The following SCAF4 variants were observed in gnomAD, a reference collection of about 807,000 sequenced individuals.
The protein encoded by SCAF4 is SR-related CTD associated factor 4, also known as SR-related and CTD-associated factor 4.
Under a neutral mutation model 129.8 loss-of-function variants are expected in SCAF4, and 25 were observed. That is an observed-to-expected ratio of 0.19 (90% confidence interval 0.14 to 0.27). The LOEUF is 0.27. Among genes scored for constraint, SCAF4 ranks in the 10% least tolerant of loss-of-function variants. SCAF4 has a pLI of 1.00. For synonymous variants in SCAF4, 551 were observed against 497.7 expected, an observed-to-expected ratio of 1.11 and a Z score of -1.43; for missense variants, 1,246 against 1,457.1, an observed-to-expected ratio of 0.86 and a Z score of 2.36.
chr21:31,707,697 C>T (rs1349456915), intron 1 of SCAF4, among the ~76,000 whole-genome samples: 1 of 152,094 alleles, frequency 6.6e-6, no homozygotes, highest in Admixed American at 6.5e-5. Context: ...AATATGGAGC[C>T]CTAGGGTATG....
At chr21:31,730,229 C>CA (rs1318701183) in intron 1 of SCAF4, among the ~76,000 whole-genome samples, 1 of 152,186 alleles carries the variant, frequency 6.6e-6, no homozygotes, top group East Asian at 1.9e-4. Flanking sequence ...CTTCAGAAAA[C>CA]AATCAGCTTC....
chr21:31,704,532 CAA>C (rs531735168), intron 3 of SCAF4, among the ~76,000 whole-genome samples: 76 of 125,106 alleles, frequency 6.1e-4, no homozygotes, highest in African/African-American at 2.0e-3. Flanking sequence ...GGAATTTATG[CAA>C]AAAAAAAAAA....
intron 11 of SCAF4, 105 bp downstream of exon 11, chr21:31,694,099 G>A: frequency 1.6e-6 from 1 of 630,386 alleles, no homozygotes; most frequent in Non-Finnish European, 2.7e-6. Context: ...CATACCAACT[G>A]TTATTTTACT....
intron 7 of SCAF4, among the ~76,000 whole-genome samples, chr21:31,699,515 T>C (rs77119135): frequency 3.3e-5 from 5 of 151,366 alleles, no homozygotes; most frequent in South Asian, 2.1e-4. Context: ...TTTTTTTTTT[T>C]CTGCAAGTAT....
chr21:31,685,855 C>A, intron 16 of SCAF4, 122 bp from the exon 17 acceptor site: 1 of 889,558 alleles, frequency 1.1e-6, no homozygotes, highest in Non-Finnish European at 1.7e-6. Context: ...CTTATTAGAC[C>A]AATTTATTAA....
intron 9 of SCAF4, among the ~76,000 whole-genome samples, chr21:31,695,421 T>C (rs2050361070): frequency 6.6e-6 from 1 of 152,148 alleles, no homozygotes; most frequent in African/African-American, 2.4e-5. Flanking sequence ...TCAACTAACA[T>C]ACCCAACTTT....
chr21:31,672,934 C>A (rs1440371048), intron 19 of SCAF4, among the ~76,000 whole-genome samples: 1 of 152,212 alleles, frequency 6.6e-6, no homozygotes, highest in East Asian at 1.9e-4. Flanking sequence ...CTAATGTCTA[C>A]AAAACAAAGA....
At chr21:31,729,526 A>C (rs1181702320) in intron 1 of SCAF4, among the ~76,000 whole-genome samples, 1 of 152,260 alleles carries the variant, frequency 6.6e-6, no homozygotes, top group African/African-American at 2.4e-5. Flanking sequence ...GGCACTCAAA[A>C]GTTTAAGTGA....
chr21:31,716,762 A>G (rs993634607), intron 1 of SCAF4, among the ~76,000 whole-genome samples: 10 of 152,140 alleles, frequency 6.6e-5, no homozygotes, highest in African/African-American at 2.4e-4. Flanking sequence ...TTATGCCTTC[A>G]ATATATAATT....
chr21:31,703,268 G>A (rs1240409256), intron 4 of SCAF4, among the ~76,000 whole-genome samples: 2 of 151,968 alleles, frequency 1.3e-5, no homozygotes, highest in Non-Finnish European at 2.9e-5. Context: ...TCTTTCCAAC[G>A]ATATCTTCTT....
At chr21:31,684,099 A>T (rs1260283193) in intron 19 of SCAF4, 1 of 153,630 alleles carries the variant, frequency 6.5e-6, no homozygotes, top group Non-Finnish European at 1.5e-5. Flanking sequence ...CCTCCATTAC[A>T]AACCAATGTC....
At chr21:31,727,760 C>A (rs1487842874) in intron 1 of SCAF4, among the ~76,000 whole-genome samples, 1 of 151,894 alleles carries the variant, frequency 6.6e-6, no homozygotes, top group Non-Finnish European at 1.5e-5. Context: ...CACTGCACTC[C>A]AGCGTGGTGA....
chr21:31,700,871 GA>G, intron 7 of SCAF4, 123 bp downstream of exon 7: 2 of 1,092,622 alleles, frequency 1.8e-6, no homozygotes, highest in Non-Finnish European at 2.8e-6. Context: ...TGTTGAGGGG[GA>G]AAATCTCTCA....
chr21:31,701,220 C>A (rs1288265997), intron 6 of SCAF4, 49 bp from the exon 7 acceptor site: 2 of 1,432,392 alleles, frequency 1.4e-6, no homozygotes, highest in Admixed American at 2.4e-5. Flanking sequence ...TATAATCATA[C>A]TATCAAAAGT....
Position 31,688,226 on chromosome 21 carries a change from A to T in SCAF4, c.2043+81T>A. On this transcript the variant is annotated intron_variant, in intron 16 of 19. Transcript: ENST00000286835. ...TATGTACTCATGTTTTTTACTATGA[A>T]TCCAGACATATATCTACAGTAAGAT... 2.2e-6 allele frequency: 3 copies of T among 1,393,462 alleles called. No homozygotes were observed. In the South Asian group the frequency reaches 4.9e-5, roughly 23 times the overall value. The allele number at this position is 1,393,462 out of a possible 1,614,324, so 86.3% of individuals were successfully genotyped here.
At position 31,672,321 on chromosome 21, in the gene SCAF4, C is replaced by A; in HGVS notation, c.2522G>T (p.Gly841Val). The A allele has an allele frequency of 6.2e-7, 1 of 1,613,690 alleles. No individual in the cohort carries two copies. Among genetic ancestry groups the A allele is most frequent in the Non-Finnish European group, 8.5e-7 (1 of 1,180,024 alleles). ...AAGACCAGTAGATGGTGCCTGAAGT[C>A]CAATTACAGGACCAGGGGCAACTCC... ...TQGVAPGPVI[G>V]LQAPSTGLLG... is the part of the protein sequence containing the mutation. Residue 841 changes from glycine (G) to valine (V), a missense_variant, in exon 20 of 20, where the codon GGA becomes GTA. By Grantham distance (109) the Gly-to-Val change is moderately radical. Coordinates refer to ENST00000286835, the MANE Select transcript of SCAF4 (RefSeq NM_020706.2).
Position 31,696,201 on chromosome 21 carries a change from A to G in SCAF4, c.980T>C (p.Met327Thr). 1.2e-6 allele frequency: 2 copies of G among 1,613,932 alleles called. No individual in the cohort carries two copies. The highest frequency in any genetic ancestry group is 2.2e-5 in the South Asian group (2 of 91,058). The change falls in exon 9 of 20, where the codon ATG becomes ACG. Residue 327 changes from methionine (M) to threonine (T), a missense_variant. By Grantham distance (81) the Met-to-Thr change is moderately conservative. This residue lies in a region of SCAF4 where 236 missense variants were observed against 210.0 expected (regional missense o/e 1.12). Coordinates refer to ENST00000286835, the MANE Select transcript of SCAF4 (RefSeq NM_020706.2). ...QAPFGFPGDG[M>T]QQPAYTQHQN... ...ATGCTGTGTGTATGCTGGCTGCTGC[A>G]TGCCATCTCCAGGAAAGCCACTAAA...
intron 15 of SCAF4, 140 bp from the exon 16 acceptor site, chr21:31,688,604 TTTAAA>T: frequency 1.4e-6 from 1 of 691,318 alleles, no homozygotes; most frequent in South Asian, 1.9e-5. Context: ...ATAGTAATTA[TTTAAA>T]TTAACAACAA....
rs879196585 is a variant in SCAF4 at position 31,693,238 on chromosome 21, T to A, written c.1513+56A>T. The A allele has an allele frequency of 2.1e-5, 27 of 1,262,828 alleles. No homozygotes were observed. In the South Asian group the frequency reaches 6.0e-4, roughly 28 times the overall value. The allele number at this position is 1,262,828 out of a possible 1,614,324, so 78.2% of individuals were successfully genotyped here. On this transcript the variant is annotated intron_variant, in intron 12 of 19. Transcript: ENST00000286835. ...TTTTGCTAACAGTTATAAAACACTT[T>A]AAACCCAAGACATGAAAAAATAGTA...
Sources: gnomAD v4.1 joint callset for allele counts (sites outside exome capture counted in the v4.1 genomes callset) on GRCh38, gnomAD v4.1.1 for gene constraint, gnomAD v4.1.1 regional missense constraint, MANE v1.5 for transcripts, NCBI Gene and HGNC (gene_info 2026-07-23, HGNC 2026-07-21) for gene names.